Variants in TMEM135 observed in about 807,000 individuals in gnomAD.
The protein encoded by TMEM135 is peroxisomal membrane protein 52.
Under a neutral mutation model 60.3 loss-of-function variants are expected in TMEM135, and 30 were observed. That is an observed-to-expected ratio of 0.50 (90% confidence interval 0.37 to 0.68). The LOEUF (loss-of-function observed/expected upper bound fraction) is 0.68. Ranked by LOEUF, TMEM135 falls within the 30% of genes least tolerant of loss-of-function variation. TMEM135 has a pLI of 0.00. For synonymous variants in TMEM135, 190 were observed against 186.7 expected (o/e 1.02, Z -0.14); for missense variants, 468 against 548.8 (o/e 0.85, Z 1.47).
chr11:87,272,046 C>CTTTTT (rs1219562499), intron 6 of TMEM135, among the ~76,000 whole-genome samples: 2 of 69,600 alleles, frequency 2.9e-5, no homozygotes, highest in Non-Finnish European at 8.9e-5. Flanking sequence ...CTTTCTTTTT[C>CTTTTT]TTTTCTTTTT....
At chr11:87,081,015 C>T (rs182091136) in intron 3 of TMEM135, among the ~76,000 whole-genome samples, 16 of 152,212 alleles carry the variant, frequency 1.1e-4, no homozygotes, top group Admixed American at 9.2e-4. Flanking sequence ...TATAGCTACT[C>T]CAACCTTTTC....
At chr11:87,301,102 C>A (rs994223590) in intron 7 of TMEM135, among the ~76,000 whole-genome samples, 1 of 152,204 alleles carries the variant, frequency 6.6e-6, no homozygotes, top group Non-Finnish European at 1.5e-5. Flanking sequence ...CATCTGGTGA[C>A]AAACAAAACC....
At chr11:87,057,811 GTGTGTT>G (rs1478796280) in intron 1 of TMEM135, among the ~76,000 whole-genome samples, 47 of 151,612 alleles carry the variant, frequency 3.1e-4, no homozygotes, top group South Asian at 2.2e-4. Flanking sequence ...GTGTGTGTGT[GTGTGTT>G]TGTGTGTGTG....
intron 6 of TMEM135, among the ~76,000 whole-genome samples, chr11:87,271,593 G>A (rs1941864086): frequency 6.6e-6 from 1 of 152,008 alleles, no homozygotes; most frequent in Admixed American, 6.6e-5. Flanking sequence ...TTGATTATTT[G>A]TTTACATGAT....
intron 4 of TMEM135, among the ~76,000 whole-genome samples, chr11:87,129,654 C>T (rs999741884): frequency 1.3e-5 from 2 of 150,330 alleles, no homozygotes. Context: ...AATTCTTGTG[C>T]CTCAGTTTCT....
At chr11:87,304,159 C>G (rs1942494435) in intron 8 of TMEM135, among the ~76,000 whole-genome samples, 1 of 152,044 alleles carries the variant, frequency 6.6e-6, no homozygotes, top group South Asian at 2.1e-4. Context: ...TCACTTGAGG[C>G]CAGGAGTTTG....
intron 7 of TMEM135, among the ~76,000 whole-genome samples, 165 bp from the exon 8 acceptor site, chr11:87,302,131 C>T (rs1305399129): frequency 6.6e-6 from 1 of 152,098 alleles, no homozygotes; most frequent in Non-Finnish European, 1.5e-5. Flanking sequence ...TTTTGAAAGT[C>T]TATTTTTCTT....
intron 5 of TMEM135, among the ~76,000 whole-genome samples, chr11:87,217,775 ACT>A (rs1940534345): frequency 6.6e-6 from 1 of 151,018 alleles, no homozygotes; most frequent in African/African-American, 2.4e-5. Flanking sequence ...CAAGAGTGAA[ACT>A]CTGTCTCAAA....
At chr11:87,091,429 C>G in intron 4 of TMEM135, 34 bp downstream of exon 4, 1 of 1,602,432 alleles carries the variant, frequency 6.2e-7, no homozygotes, top group Non-Finnish European at 8.5e-7. Flanking sequence ...GATGTCTTCC[C>G]ATAAGCTATA....
chr11:87,134,270 G>A (rs1179340419), intron 4 of TMEM135, among the ~76,000 whole-genome samples: 5 of 152,078 alleles, frequency 3.3e-5, no homozygotes, highest in Non-Finnish European at 7.4e-5. Flanking sequence ...TTTTCTTCCT[G>A]TAAGGATGCC....
chr11:87,118,657 C>G (rs1328908879), intron 4 of TMEM135, among the ~76,000 whole-genome samples: 1 of 152,054 alleles, frequency 6.6e-6, no homozygotes, highest in Non-Finnish European at 1.5e-5. Flanking sequence ...ACTATGTTGG[C>G]CAAGCTGCTC....
intron 5 of TMEM135, among the ~76,000 whole-genome samples, chr11:87,185,279 C>G (rs1939621484): frequency 6.6e-6 from 1 of 152,116 alleles, no homozygotes; most frequent in South Asian, 2.1e-4. Context: ...AAATCAGAAT[C>G]CAGATAAGAT....
intron 6 of TMEM135, among the ~76,000 whole-genome samples, chr11:87,291,171 C>G (rs1942254340): frequency 6.6e-6 from 1 of 152,160 alleles, no homozygotes; most frequent in Non-Finnish European, 1.5e-5. Context: ...CAGCCAGTTA[C>G]TTGCTTCCTC....
intron 7 of TMEM135, among the ~76,000 whole-genome samples, chr11:87,299,676 C>T (rs921353370): frequency 2.0e-5 from 3 of 152,186 alleles, no homozygotes; most frequent in African/African-American, 7.2e-5. Flanking sequence ...TCTCTGTTCT[C>T]AGAGAGCTTA....
chr11:87,318,888 T>C (rs977593428), intron 13 of TMEM135, among the ~76,000 whole-genome samples: 6 of 151,110 alleles, frequency 4.0e-5, no homozygotes, highest in Non-Finnish European at 4.4e-5. Flanking sequence ...TTTTTTTTTT[T>C]GAGATGGAAT....
At chr11:87,152,334 A>G (rs564096674) in intron 4 of TMEM135, among the ~76,000 whole-genome samples, 72 of 151,996 alleles carry the variant, frequency 4.7e-4, no homozygotes, top group Non-Finnish European at 8.1e-4. Context: ...TTAAGTCTAT[A>G]TGTTCACTGT....
At chr11:87,074,810 A>G (rs1394019440) in intron 3 of TMEM135, among the ~76,000 whole-genome samples, 1 of 152,234 alleles carries the variant, frequency 6.6e-6, no homozygotes, top group Non-Finnish European at 1.5e-5. Context: ...ATCACACACA[A>G]GACAATTAGC....
At chr11:87,074,945 A>G (rs1180493106) in intron 3 of TMEM135, among the ~76,000 whole-genome samples, 2 of 152,064 alleles carry the variant, frequency 1.3e-5, no homozygotes, top group South Asian at 4.2e-4. Flanking sequence ...TTTTTCTAAA[A>G]GTACTTTTTC....
At chr11:87,111,171 T>G (rs1857735042) in intron 4 of TMEM135, among the ~76,000 whole-genome samples, 1 of 152,234 alleles carries the variant, frequency 6.6e-6, no homozygotes, top group Admixed American at 6.5e-5. Flanking sequence ...TTCTCCCATC[T>G]CTACTTTCCT....
Sources: allele counts gnomAD v4.1 joint callset (sites outside exome capture counted in the v4.1 genomes callset), GRCh38; gene constraint gnomAD v4.1.1; transcripts MANE v1.5; gene names NCBI Gene and HGNC (gene_info 2026-07-23, HGNC 2026-07-21).